Variants in CATSPERB observed in about 807,000 individuals in gnomAD.
CATSPERB encodes catsper channel auxiliary subunit beta, also known as cation channel sperm-associated auxiliary subunit beta.
CATSPERB carries 93 observed loss-of-function variants against 128.3 expected under a neutral mutation model. The ratio of observed to expected loss-of-function variants is 0.72; its 90% confidence interval spans 0.61 to 0.86. CATSPERB has a LOEUF of 0.86. Among genes scored for constraint, CATSPERB ranks in the 40% least tolerant of loss-of-function variants. CATSPERB has a pLI of 0.00. For synonymous variants in CATSPERB, 381 were observed against 448.8 expected (o/e 0.85, Z 1.91); for missense variants, 1,153 against 1,329.5 (o/e 0.87, Z 2.06).
At chr14:91,639,553 C>G (rs1170070308) in intron 15 of CATSPERB, among the ~76,000 whole-genome samples, 1 of 152,110 alleles carries the variant, frequency 6.6e-6, no homozygotes, top group Non-Finnish European at 1.5e-5. Context: ...CTTCCTATTA[C>G]CAGCAAATCA....
At position 91,617,690 on chromosome 14, in the gene CATSPERB, G is replaced by A; in HGVS notation, c.2307C>T (p.Asn769=). The A allele has an allele frequency of 6.2e-7, 1 of 1,601,022 alleles. No homozygotes were observed. ...EIPLLTVFVG[N]PNLLEVTAEV... ...CAGCTGTAACTTCCAACAAATTAGG[G>A]TTTCCAACAAACACAGTCAGTAGTG... The change falls in exon 20 of 27, where the codon AAC becomes AAT. Residue 769 remains asparagine, a synonymous_variant. Transcript: ENST00000256343.
intron 16 of CATSPERB, among the ~76,000 whole-genome samples, chr14:91,637,107 A>G (rs1475103362): frequency 1.3e-5 from 2 of 152,112 alleles, no homozygotes; most frequent in African/African-American, 4.8e-5. Context: ...TTTCTGATCT[A>G]TAGGTCTTTC....
intron 5 of CATSPERB, among the ~76,000 whole-genome samples, chr14:91,713,287 A>G (rs924001097): frequency 7.6e-4 from 31 of 40,856 alleles, no homozygotes; most frequent in African/African-American, 1.4e-3. Flanking sequence ...CAAACTAGGA[A>G]AAAAAAAAGA....
At chr14:91,644,133 C>T (rs1894547789) in intron 15 of CATSPERB, among the ~76,000 whole-genome samples, 1 of 133,354 alleles carries the variant, frequency 7.5e-6, no homozygotes, top group African/African-American at 2.8e-5. Flanking sequence ...TTCCTGAATA[C>T]AGCACACTGA....
intron 5 of CATSPERB, among the ~76,000 whole-genome samples, chr14:91,712,607 T>G (rs1200377924): frequency 6.6e-6 from 1 of 152,226 alleles, no homozygotes; most frequent in African/African-American, 2.4e-5. Flanking sequence ...TGTCATGCAT[T>G]TGTTTGTATG....
At chr14:91,676,860 G>T (rs1366102761) in intron 11 of CATSPERB, among the ~76,000 whole-genome samples, 1 of 152,114 alleles carries the variant, frequency 6.6e-6, no homozygotes, top group Non-Finnish European at 1.5e-5. Flanking sequence ...GCATGGTACT[G>T]GTACCAAAAC....
In CATSPERB at chr14:91,581,054, C is replaced by T. The variant is rs201003266; in HGVS notation, c.3186G>A (p.Val1062=). The T allele has an allele frequency of 8.2e-5, 133 of 1,614,172 alleles. 1 individual carries two copies. The East Asian group carries it at 2.7e-3, about 33-fold the overall frequency. The part of the protein sequence containing the change: ...LPFPGHTLIA[V]ATAVVLGGLI... The stretch of plus-strand genomic sequence containing the variant: ...ATCCCCCTAGCACTACCGCTGTTGC[C>T]ACGGCAATAAGCGTGTGTCCTGGGA... Residue 1062 remains valine, a synonymous_variant, in exon 27 of 27, where the codon GTG becomes GTA. Coordinates refer to ENST00000256343, the MANE Select transcript of CATSPERB (RefSeq NM_024764.4).
At chr14:91,647,617 A>T (rs1255572646) in intron 15 of CATSPERB, among the ~76,000 whole-genome samples, 2 of 152,208 alleles carry the variant, frequency 1.3e-5, no homozygotes, top group Non-Finnish European at 2.9e-5. Flanking sequence ...GTCACATCTT[A>T]CATGGTAGCA....
chr14:91,583,827 G>T (rs1283335274), intron 26 of CATSPERB, among the ~76,000 whole-genome samples: 1 of 151,792 alleles, frequency 6.6e-6, no homozygotes, highest in Non-Finnish European at 1.5e-5. Context: ...TTGGGTGAAA[G>T]AAAATCCAAG....
intron 10 of CATSPERB, among the ~76,000 whole-genome samples, chr14:91,688,728 T>C (rs904004263): frequency 4.6e-5 from 7 of 152,146 alleles, no homozygotes; most frequent in African/African-American, 1.7e-4. Context: ...CCATTTTTAA[T>C]GGAAATTTTG....
chr14:91,612,831 A>G (rs540924157), intron 20 of CATSPERB, among the ~76,000 whole-genome samples: 56 of 152,322 alleles, frequency 3.7e-4, no homozygotes, highest in African/African-American at 1.3e-3. Context: ...AAAAGTTAAG[A>G]TACAAGGAAG....
chr14:91,647,325 C>T (rs921904697), intron 15 of CATSPERB, among the ~76,000 whole-genome samples: 3 of 152,178 alleles, frequency 2.0e-5, no homozygotes, highest in Non-Finnish European at 4.4e-5. Flanking sequence ...GGCACACCAT[C>T]TATATTCTCA....
chr14:91,580,878 T>A lies in CATSPERB; in HGVS notation c.*11A>T. 6.3e-7 allele frequency: 1 copy of A among 1,596,700 alleles called. No individual in the cohort carries two copies. Among genetic ancestry groups the A allele is most frequent in the Non-Finnish European group, 8.6e-7 (1 of 1,165,776 alleles). ...ACTAGAAAATAAAGAGAAATTATGA[T>A]CACCATGTGTTCACTCTTCAGACTT... On this transcript the variant is annotated 3_prime_UTR_variant, in exon 27 of 27. Transcript: ENST00000256343.
chr14:91,625,898 G>T (rs1240260740), intron 17 of CATSPERB, among the ~76,000 whole-genome samples: 1 of 152,208 alleles, frequency 6.6e-6, no homozygotes, highest in Non-Finnish European at 1.5e-5. Context: ...GCTGAGGCAG[G>T]CAGATTGGTT....
intron 2 of CATSPERB, among the ~76,000 whole-genome samples, chr14:91,728,959 A>G (rs997412685): frequency 2.0e-5 from 3 of 152,232 alleles, no homozygotes; most frequent in Non-Finnish European, 4.4e-5. Context: ...GTAGCCAACC[A>G]TAGTCTAAAA....
intron 19 of CATSPERB, among the ~76,000 whole-genome samples, chr14:91,621,317 T>C (rs971458673): frequency 1.3e-5 from 2 of 152,126 alleles, no homozygotes; most frequent in Admixed American, 6.5e-5. Flanking sequence ...GGAGAATCGC[T>C]TGAACCCAGG....
intron 22 of CATSPERB, chr14:91,604,972 T>C: frequency 1.7e-6 from 2 of 1,171,024 alleles, no homozygotes; most frequent in East Asian, 2.3e-5. Context: ...AGTATTTCTG[T>C]CCCTGAAATC....
rs898737437 is a variant in CATSPERB at position 91,610,740 on chromosome 14, A to G, written c.2401-63T>C. The stretch of plus-strand genomic sequence containing the variant: ...ACTGTTATGGACTGAACTGTGTCCA[A>G]CCAAAAATCACATGTTGAAACCCCA... On this transcript the variant is annotated intron_variant, in intron 20 of 26. Coordinates refer to ENST00000256343, the MANE Select transcript of CATSPERB (RefSeq NM_024764.4). 65 of 1,469,598 alleles carry G rather than the reference A, an allele frequency of 4.4e-5. No individual in the cohort carries two copies. The Admixed American group carries it at 1.1e-3, about 25-fold the overall frequency. The allele number at this position is 1,469,598 out of a possible 1,614,324, so 91.0% of individuals were successfully genotyped here.
At chr14:91,721,846 TC>T (rs1403403352) in intron 4 of CATSPERB, among the ~76,000 whole-genome samples, 1 of 143,884 alleles carries the variant, frequency 7.0e-6, no homozygotes, top group Non-Finnish European at 1.5e-5. Flanking sequence ...CGAGACTCTG[TC>T]TAAAAAAAAA....
Sources: gnomAD v4.1 joint callset for allele counts (sites outside exome capture counted in the v4.1 genomes callset) on GRCh38, gnomAD v4.1.1 for gene constraint, MANE v1.5 for transcripts, NCBI Gene and HGNC (gene_info 2026-07-23, HGNC 2026-07-21) for gene names.